SOX5: variants seen among roughly 807,000 people sequenced by gnomAD.
SOX5 encodes the protein transcription factor SOX-5.
SOX5 carries 9 observed loss-of-function variants against 92.0 expected under a neutral mutation model. The observed-to-expected ratio is 0.10, with a 90% CI of 0.06 to 0.17. The LOEUF (loss-of-function observed/expected upper bound fraction) is 0.17, where lower values mean the gene tolerates loss of function less well. Ranked by LOEUF, SOX5 falls within the 10% of genes least tolerant of loss-of-function variation. The pLI is 1.00. For missense variants in SOX5, 642 were observed against 944.5 expected (o/e 0.68, Z 4.20); for synonymous variants, 344 against 336.3 (o/e 1.02, Z -0.25).
intron 1 of SOX5, among the ~76,000 whole-genome samples, chr12:23,917,916 C>T (rs2097434654): frequency 1.3e-5 from 2 of 152,242 alleles, no homozygotes; most frequent in South Asian, 4.1e-4. Flanking sequence ...AGTTTCAAGA[C>T]AGTCCATCAA....
Position 23,739,569 on chromosome 12 carries a change from A to G in SOX5, c.741+1298T>C, listed in dbSNP as rs546789599. ...ACATTGCACTCCTGGCCCCACTTCC[A>G]TATCTGATTCTTTCTGCATATGTTC... On this transcript the variant is annotated intron_variant, in intron 5 of 14. Transcript: ENST00000451604. Among the ~76,000 whole-genome samples, 68 of 152,206 alleles carry G rather than the reference A, an allele frequency of 4.5e-4. 1 individual carries two copies. The South Asian group carries it at 0.014, about 31-fold the overall frequency.
intron 4 of SOX5, among the ~76,000 whole-genome samples, chr12:24,116,533 G>T (rs1948019582): frequency 1.3e-5 from 2 of 151,958 alleles, no homozygotes; most frequent in Admixed American, 1.3e-4. Context: ...TTCTATCACT[G>T]ACAAAGTCAC....
intron 3 of SOX5, among the ~76,000 whole-genome samples, chr12:23,775,995 G>A (rs1339820789): frequency 1.3e-5 from 2 of 152,158 alleles, no homozygotes; most frequent in Admixed American, 6.5e-5. Context: ...AGACGAAACT[G>A]CTTTACCTCA....
intron 1 of SOX5, among the ~76,000 whole-genome samples, chr12:24,376,097 A>G (rs1172251226): frequency 6.6e-6 from 1 of 152,212 alleles, no homozygotes; most frequent in African/African-American, 2.4e-5. Context: ...GAAGTCTGCC[A>G]AAAAGATGCA....
At chr12:23,784,568 C>T (rs548272293) in intron 3 of SOX5, among the ~76,000 whole-genome samples, 34 of 152,232 alleles carry the variant, frequency 2.2e-4, no homozygotes, top group African/African-American at 8.2e-4. Flanking sequence ...CCTCGTGATC[C>T]GCCTGCCTTG....
intron 2 of SOX5, among the ~76,000 whole-genome samples, chr12:24,312,986 C>T (rs1949336421): frequency 6.6e-6 from 1 of 152,138 alleles, no homozygotes; most frequent in Admixed American, 6.6e-5. Flanking sequence ...TTTTTGTCAG[C>T]CCCGGTTGTA....
intron 4 of SOX5, among the ~76,000 whole-genome samples, chr12:23,968,520 C>T (rs990727072): frequency 6.6e-6 from 1 of 152,142 alleles, no homozygotes; most frequent in Non-Finnish European, 1.5e-5. Context: ...GGTTTCTTAT[C>T]AAAGGACAAA....
At chr12:24,099,037 T>G (rs1945763077) in intron 4 of SOX5, among the ~76,000 whole-genome samples, 1 of 152,168 alleles carries the variant, frequency 6.6e-6, no homozygotes, top group African/African-American at 2.4e-5. Flanking sequence ...TGTTTGCCAC[T>G]TCTCTAAGAG....
chr12:23,854,118 T>A (rs1292428142), intron 2 of SOX5, among the ~76,000 whole-genome samples: 1 of 152,118 alleles, frequency 6.6e-6, no homozygotes, highest in Non-Finnish European at 1.5e-5. Context: ...TTTTCATCTG[T>A]ATTCTGTACC....
chr12:23,881,430 G>A (rs1457191147), intron 2 of SOX5, among the ~76,000 whole-genome samples: 2 of 152,024 alleles, frequency 1.3e-5, no homozygotes, highest in East Asian at 1.9e-4. Context: ...AAAACTTAAT[G>A]CTCTGCATAT....
intron 1 of SOX5, among the ~76,000 whole-genome samples, chr12:24,526,063 A>G (rs570220837): frequency 6.6e-6 from 1 of 151,764 alleles, no homozygotes; most frequent in Admixed American, 6.6e-5. Flanking sequence ...TAGAGACAGG[A>G]TTTTGCCATG....
intron 3 of SOX5, among the ~76,000 whole-genome samples, chr12:23,788,516 G>T (rs2095418985): frequency 6.7e-6 from 1 of 148,554 alleles, no homozygotes; most frequent in African/African-American, 2.5e-5. Flanking sequence ...GGACTTACGA[G>T]GTAATGTCAA....
chr12:23,580,654 T>G (rs966667018), intron 9 of SOX5, among the ~76,000 whole-genome samples: 1 of 152,072 alleles, frequency 6.6e-6, no homozygotes, highest in African/African-American at 2.4e-5. Flanking sequence ...ACTGGGCTAA[T>G]TGTAGTTTTC....
At chr12:24,309,320 TTTCTC>T (rs1332853691) in intron 2 of SOX5, among the ~76,000 whole-genome samples, 5 of 152,286 alleles carry the variant, frequency 3.3e-5, no homozygotes, top group African/African-American at 1.2e-4. Flanking sequence ...GGTGTTGCAT[TTTCTC>T]TTCTTTCTAG....
At chr12:24,014,882 T>G (rs1440693784) in intron 4 of SOX5, among the ~76,000 whole-genome samples, 1 of 152,126 alleles carries the variant, frequency 6.6e-6, no homozygotes. Context: ...ATTAAGTGCT[T>G]TTTGGGAGAA....
intron 3 of SOX5, among the ~76,000 whole-genome samples, chr12:23,801,443 G>A (rs2142159202): frequency 6.6e-6 from 1 of 152,182 alleles, no homozygotes; most frequent in African/African-American, 2.4e-5. Context: ...GTGAACCCCT[G>A]GCTTATCCAG....
At chr12:24,456,897 A>G (rs1282480415) in intron 1 of SOX5, among the ~76,000 whole-genome samples, 1 of 152,228 alleles carries the variant, frequency 6.6e-6, no homozygotes, top group African/African-American at 2.4e-5. Context: ...GTGCCAAAAT[A>G]AATCATTTAC....
chr12:24,257,292 T>G (rs1165891148), intron 3 of SOX5, among the ~76,000 whole-genome samples: 1 of 152,170 alleles, frequency 6.6e-6, no homozygotes, highest in Non-Finnish European at 1.5e-5. Flanking sequence ...AAGAAACAAA[T>G]TTTTCAGAAA....
At chr12:23,668,039 G>C (rs995008064) in intron 6 of SOX5, among the ~76,000 whole-genome samples, 3 of 152,036 alleles carry the variant, frequency 2.0e-5, no homozygotes, top group Admixed American at 6.6e-5. Flanking sequence ...CAATTTTGTT[G>C]GTAATTTTTT....
Sources: allele counts gnomAD v4.1 joint callset (sites outside exome capture counted in the v4.1 genomes callset), GRCh38; gene constraint gnomAD v4.1.1; transcripts MANE v1.5; gene names NCBI Gene and HGNC (gene_info 2026-07-23, HGNC 2026-07-21).